TRPM1: variants seen among roughly 807,000 people sequenced by gnomAD.
TRPM1 encodes transient receptor potential cation channel subfamily M member 1, also known as TRPM1-203 APA Isoform, Intron 10.
TRPM1 carries 113 observed loss-of-function variants against 149.4 expected under a neutral mutation model. That is an observed-to-expected ratio of 0.76 (90% CI 0.65 to 0.88). The LOEUF (loss-of-function observed/expected upper bound fraction) is 0.88, where lower values mean the gene tolerates loss of function less well. Among genes scored for constraint, TRPM1 ranks in the 40% least tolerant of loss-of-function variants. The pLI, the probability that TRPM1 is intolerant of heterozygous loss-of-function variation, is 0.00. For synonymous variants in TRPM1, 741 were observed against 759.5 expected, an observed-to-expected ratio of 0.98 and a Z score of 0.40; for missense variants, 1,976 against 2,038.7, an observed-to-expected ratio of 0.97 and a Z score of 0.59.
intron 6 of TRPM1, 41 bp from the exon 7 acceptor site, chr15:31,066,288 G>T (rs1396322281): frequency 1.2e-6 from 2 of 1,612,440 alleles, no homozygotes; most frequent in South Asian, 1.1e-5. Context: ...GCAGGACTTG[G>T]ATGTTAAGAC....
At chr15:31,151,764 C>G (rs995328993) in intron 1 of TRPM1, among the ~76,000 whole-genome samples, 6 of 152,268 alleles carry the variant, frequency 3.9e-5, no homozygotes, top group African/African-American at 1.4e-4. Context: ...CCTCACATCT[C>G]CCTCACACTG....
At chr15:31,148,470 T>C (rs764267127) in intron 1 of TRPM1, among the ~76,000 whole-genome samples, 6 of 152,178 alleles carry the variant, frequency 3.9e-5, no homozygotes, top group Non-Finnish European at 7.3e-5. Context: ...GTCAACATTA[T>C]GCACTAGCAA....
At chr15:31,035,516 T>C (rs2033318035) in intron 21 of TRPM1, 30 bp downstream of exon 21, 1 of 1,613,968 alleles carries the variant, frequency 6.2e-7, no homozygotes, top group Non-Finnish European at 8.5e-7. Context: ...CAGCGGTTAG[T>C]GGGCTGGGGG....
chr15:31,023,512 A>C (rs1353210953), intron 27 of TRPM1, among the ~76,000 whole-genome samples: 7 of 152,204 alleles, frequency 4.6e-5, no homozygotes, highest in African/African-American at 1.7e-4. Flanking sequence ...TGGAGAGCTC[A>C]GGTAGGGGCA....
intron 13 of TRPM1, among the ~76,000 whole-genome samples, chr15:31,048,752 C>T (rs2033853938): frequency 6.6e-6 from 1 of 152,014 alleles, no homozygotes; most frequent in Admixed American, 6.6e-5. Context: ...GTTGAGGCTG[C>T]AGTGAGCTGA....
At chr15:31,087,226 T>C (rs955834055) in intron 1 of TRPM1, among the ~76,000 whole-genome samples, 4 of 128,852 alleles carry the variant, frequency 3.1e-5, no homozygotes, top group Admixed American at 8.4e-5. Flanking sequence ...CAGGTCTCAA[T>C]AGGGATTTTT....
At chr15:31,077,012 G>A in intron 2 of TRPM1, 28 bp from the exon 3 acceptor site, 2 of 1,484,188 alleles carry the variant, frequency 1.3e-6, no homozygotes, top group South Asian at 1.1e-5. Flanking sequence ...GTGGATATTG[G>A]ACCAATACAT....
chr15:31,068,579 T>TA (rs990752397), intron 4 of TRPM1, among the ~76,000 whole-genome samples: 8 of 150,828 alleles, frequency 5.3e-5, no homozygotes, highest in Non-Finnish European at 4.4e-5. Flanking sequence ...CCGTCTCTAC[T>TA]AAAAAAAATA....
At chr15:31,159,017 C>T in intron 1 of TRPM1, among the ~76,000 whole-genome samples, 2 of 152,090 alleles carry the variant, frequency 1.3e-5, no homozygotes, top group Non-Finnish European at 2.9e-5. Flanking sequence ...CCCATTTCCC[C>T]AGCCCTCACT....
At chr15:31,078,704 C>T (rs370150385) in intron 2 of TRPM1, among the ~76,000 whole-genome samples, 1 of 152,214 alleles carries the variant, frequency 6.6e-6, no homozygotes, top group African/African-American at 2.4e-5. Flanking sequence ...TTTCGCACTT[C>T]TCCAGCGCAA....
intron 27 of TRPM1, among the ~76,000 whole-genome samples, chr15:31,010,947 T>G (rs1267273716): frequency 6.6e-6 from 1 of 152,242 alleles, no homozygotes; most frequent in Admixed American, 6.5e-5. Flanking sequence ...TATGAGGCTC[T>G]GCTATTGGGT....
chr15:31,118,651 C>A (rs1025934562), intron 1 of TRPM1, among the ~76,000 whole-genome samples: 54 of 152,196 alleles, frequency 3.5e-4, no homozygotes, highest in African/African-American at 7.7e-4. Flanking sequence ...TTAGAACTCT[C>A]TTCTGGGTTG....
chr15:31,132,027 C>G (rs182701732), intron 1 of TRPM1, among the ~76,000 whole-genome samples: 13 of 152,314 alleles, frequency 8.5e-5, no homozygotes, highest in African/African-American at 3.1e-4. Context: ...TTATCCACAG[C>G]CATTAATCAC....
chr15:31,050,680 T>C, intron 11 of TRPM1, 98 bp from the exon 12 acceptor site: 1 of 1,278,262 alleles, frequency 7.8e-7, no homozygotes, highest in Non-Finnish European at 1.1e-6. Flanking sequence ...TGTGCACACA[T>C]GCACACCACA....
chr15:31,023,145 G>T (rs927925203), intron 27 of TRPM1, among the ~76,000 whole-genome samples: 1 of 152,242 alleles, frequency 6.6e-6, no homozygotes, highest in African/African-American at 2.4e-5. Flanking sequence ...AAGGCCTGAG[G>T]GTCCTGACCT....
intron 1 of TRPM1, among the ~76,000 whole-genome samples, chr15:31,089,088 AAAC>A (rs1287940476): frequency 6.6e-6 from 1 of 152,212 alleles, no homozygotes; most frequent in Non-Finnish European, 1.5e-5. Flanking sequence ...TATTTTTAAA[AAAC>A]AAAAATCAAT....
Position 31,149,721 on chromosome 15 carries a change from G to C in TRPM1, c.54+11185C>G, listed in dbSNP as rs372971843. ...TTTTTAGTAGAGACGGGGTTTCACC[G>C]TGTTAGCCAGGATGGTCTCGATCTC... On this transcript the variant is annotated intron_variant, in intron 1 of 26. Coordinates refer to the TRPM1 transcript ENST00000542188. 4.0e-4 allele frequency among the ~76,000 whole-genome samples: 61 copies of C among 152,034 alleles called. No individual in the cohort carries two copies. In the East Asian group the frequency reaches 0.011, roughly 27 times the overall value.
chr15:31,002,698 C>T lies in TRPM1; in HGVS notation c.4002G>A (p.Val1334=). The change falls in exon 28 of 28, where the codon GTG becomes GTA. Residue 1334 remains valine (V), a synonymous_variant. Transcript: ENST00000256552. ...GACATTCTGGGACTAGGTGCGTTTT[C>T]ACGTCCTTCTCTTCCTTTATACGGA... The part of the protein sequence containing the change: ...CSFRIKEEKD[V]KTHLVPECQN... 1.2e-6 allele frequency: 2 copies of T among 1,614,160 alleles called. No individual in the cohort carries two copies. Among genetic ancestry groups the T allele is most frequent in the Non-Finnish European group, 1.7e-6 (2 of 1,180,038 alleles).
At chr15:31,052,085 C>T (rs1309681306) in intron 11 of TRPM1, among the ~76,000 whole-genome samples, 1 of 152,156 alleles carries the variant, frequency 6.6e-6, no homozygotes, top group South Asian at 2.1e-4. Flanking sequence ...ATTTCAAAGG[C>T]CTATTAATAG....
Sources: gnomAD v4.1 joint callset for allele counts (sites outside exome capture counted in the v4.1 genomes callset) on GRCh38, gnomAD v4.1.1 for gene constraint, MANE v1.5 for transcripts, NCBI Gene and HGNC (gene_info 2026-07-23, HGNC 2026-07-21) for gene names.